ZFR: variants seen among roughly 807,000 people sequenced by gnomAD.
ZFR encodes zinc finger RNA binding protein.
In ZFR, 19 loss-of-function variants were observed where a neutral mutation model predicts 130.7. The observed-to-expected ratio is 0.15, with a 90% confidence interval of 0.10 to 0.21. The LOEUF is 0.21. Among genes scored for constraint, ZFR ranks in the 10% least tolerant of loss-of-function variants. ZFR has a pLI of 1.00. For synonymous variants in ZFR, 466 were observed against 456.9 expected (o/e 1.02, Z -0.25); for missense variants, 872 against 1,321.5 (o/e 0.66, Z 5.27).
intron 3 of ZFR, among the ~76,000 whole-genome samples, chr5:32,418,254 T>C (rs1363803570): frequency 7.9e-5 from 6 of 76,058 alleles, no homozygotes; most frequent in African/African-American, 3.4e-4. Context: ...AGAGAGATTC[T>C]GCCTCAAAAA....
Position 32,397,142 on chromosome 5 carries a change from T to C in ZFR, c.1833+77A>G, listed in dbSNP as rs150395277. ...GGCAAGCTGTGTTTAGATGCTTTCT[T>C]TTACATAAAGAATGCTCTGGGTGTT... On this transcript the variant is annotated intron_variant, in intron 10 of 19. Transcript: ENST00000265069. 11,976 of 1,503,684 alleles carry C rather than the reference T, an allele frequency of 8.0e-3. 70 individuals carry two copies. Among genetic ancestry groups the C allele is most frequent in the Non-Finnish European group, 9.7e-3 (10,857 of 1,123,612 alleles). 93.1% of individuals were successfully genotyped at this position (1,503,684 alleles called of 1,614,324 possible).
intron 2 of ZFR, among the ~76,000 whole-genome samples, chr5:32,431,501 A>T (rs1000685140): frequency 6.6e-6 from 1 of 152,218 alleles, no homozygotes; most frequent in African/African-American, 2.4e-5. Flanking sequence ...GAAAACATAG[A>T]CAGCTTCTGT....
intron 6 of ZFR, among the ~76,000 whole-genome samples, chr5:32,406,506 T>C (rs867387669): frequency 5.9e-5 from 9 of 152,166 alleles, no homozygotes; most frequent in Admixed American, 1.3e-4. Flanking sequence ...ACTACAAAAT[T>C]TTAAAACTAA....
At chr5:32,416,058 T>C (rs1753819837) in intron 4 of ZFR, among the ~76,000 whole-genome samples, 1 of 152,040 alleles carries the variant, frequency 6.6e-6, no homozygotes, top group South Asian at 2.1e-4. Context: ...CTCAAACTCC[T>C]GGACTCAAGT....
At chr5:32,441,406 C>G (rs1056746704) in intron 2 of ZFR, among the ~76,000 whole-genome samples, 2 of 152,044 alleles carry the variant, frequency 1.3e-5, no homozygotes, top group South Asian at 2.1e-4. Flanking sequence ...GTTCCAGGAC[C>G]GCTACGTATA....
chr5:32,388,739 T>A (rs1402168243), intron 12 of ZFR, 65 bp from the exon 13 acceptor site: 16 of 1,342,486 alleles, frequency 1.2e-5, no homozygotes, highest in Middle Eastern at 3.8e-4. Flanking sequence ...ATTATATTTT[T>A]CAACTATACA....
chr5:32,401,395 A>G (rs113207773), intron 8 of ZFR, among the ~76,000 whole-genome samples: 16 of 152,360 alleles, frequency 1.1e-4, no homozygotes, highest in African/African-American at 3.1e-4. Flanking sequence ...ACCCTTTAAC[A>G]TGATCCAGTA....
At chr5:32,393,981 G>A (rs1353731519) in intron 11 of ZFR, among the ~76,000 whole-genome samples, 1 of 151,948 alleles carries the variant, frequency 6.6e-6, no homozygotes, top group Non-Finnish European at 1.5e-5. Flanking sequence ...ATAACAACAA[G>A]GATTGGTTAT....
intron 2 of ZFR, among the ~76,000 whole-genome samples, chr5:32,430,792 C>T (rs1754193312): frequency 6.6e-6 from 1 of 152,178 alleles, no homozygotes; most frequent in South Asian, 2.1e-4. Context: ...AAAAAACTCT[C>T]AGGCTGATTG....
In ZFR at chr5:32,406,818, T is replaced by C; in HGVS notation, c.988A>G (p.Ile330Val). The C allele has an allele frequency of 6.2e-7, 1 of 1,614,030 alleles. No individual in the cohort carries two copies. Among genetic ancestry groups the C allele is most frequent in the Non-Finnish European group, 8.5e-7 (1 of 1,179,986 alleles). ...KPKQPPKPPQ[I>V]HYCDVCKISC... ...ATCTTACAAACATCACAATAGTGAA[T>C]CTGTGGTGGTTTGGGAGGCTGTTTT... The change falls in exon 6 of 20, where the codon ATT becomes GTT. Residue 330 changes from isoleucine to valine, a missense_variant. By Grantham distance (29) the Ile-to-Val change is conservative. Coordinates refer to ENST00000265069, the MANE Select transcript of ZFR (RefSeq NM_016107.5).
intron 2 of ZFR, among the ~76,000 whole-genome samples, chr5:32,435,854 G>A (rs924308709): frequency 6.6e-6 from 1 of 152,152 alleles, no homozygotes; most frequent in African/African-American, 2.4e-5. Context: ...GAGCTCTTAA[G>A]TATCTATGTG....
chr5:32,357,564 C>G (rs553028881), intron 19 of ZFR, among the ~76,000 whole-genome samples: 1 of 152,252 alleles, frequency 6.6e-6, no homozygotes, highest in South Asian at 2.1e-4. Flanking sequence ...CCAGGGCCAG[C>G]CAACTTGTAT....
At chr5:32,363,695 T>C (rs541025484) in intron 19 of ZFR, among the ~76,000 whole-genome samples, 3 of 152,306 alleles carry the variant, frequency 2.0e-5, no homozygotes, top group South Asian at 2.1e-4. Flanking sequence ...ACTGAAAATA[T>C]TGCTGTATTT....
chr5:32,396,826 T>C (rs777944528), intron 10 of ZFR, among the ~76,000 whole-genome samples: 8 of 152,146 alleles, frequency 5.3e-5, no homozygotes, highest in Non-Finnish European at 8.8e-5. Context: ...TACGCTAAGA[T>C]AAGTGAAGGG....
intron 15 of ZFR, among the ~76,000 whole-genome samples, chr5:32,381,531 G>GA (rs1392251563): frequency 1.2e-4 from 18 of 151,880 alleles, no homozygotes; most frequent in African/African-American, 4.1e-4. Context: ...GAATATGGAC[G>GA]AAAAAATACA....
At chr5:32,375,234 T>C (rs73757224) in intron 17 of ZFR, among the ~76,000 whole-genome samples, 6,649 of 152,232 alleles carry the variant, frequency 0.044, 151 homozygotes, top group Middle Eastern at 0.082. Flanking sequence ...ACTTAAAAAA[T>C]TGATGAAAGT....
chr5:32,415,731 A>T (rs911461966), intron 4 of ZFR, among the ~76,000 whole-genome samples: 2 of 152,190 alleles, frequency 1.3e-5, no homozygotes, highest in African/African-American at 4.8e-5. Context: ...TCAAATGTCA[A>T]TAACTTGAAT....
intron 6 of ZFR, among the ~76,000 whole-genome samples, chr5:32,405,699 G>A (rs747865413): frequency 3.3e-5 from 5 of 152,158 alleles, no homozygotes; most frequent in Non-Finnish European, 7.3e-5. Flanking sequence ...TCGCTTTCAT[G>A]TTTACTCCAG....
chr5:32,389,438 C>A (rs920025977), intron 12 of ZFR, among the ~76,000 whole-genome samples: 2 of 152,202 alleles, frequency 1.3e-5, no homozygotes, highest in African/African-American at 4.8e-5. Context: ...TCACCTTGGT[C>A]TTCCTAAAGT....
Sources: allele counts gnomAD v4.1 joint callset (sites outside exome capture counted in the v4.1 genomes callset), GRCh38; gene constraint gnomAD v4.1.1; transcripts MANE v1.5; gene names NCBI Gene and HGNC (gene_info 2026-07-23, HGNC 2026-07-21).